Variants in EHMT1 observed in about 807,000 individuals in gnomAD.
The protein encoded by EHMT1 is histone-lysine N-methyltransferase EHMT1.
In EHMT1, 15 loss-of-function variants were observed where a neutral mutation model predicts 147.2. The ratio of observed to expected loss-of-function variants is 0.10; its 90% CI spans 0.07 to 0.16. The LOEUF is 0.16. EHMT1 is among the 10% of genes least tolerant of loss of function. EHMT1 has a pLI of 1.00. For synonymous variants in EHMT1, 795 were observed against 709.6 expected, an observed-to-expected ratio of 1.12 and a Z score of -1.91; for missense variants, 1,587 against 1,772.4, an observed-to-expected ratio of 0.90 and a Z score of 1.88.
intron 1 of EHMT1, among the ~76,000 whole-genome samples, chr9:137,675,665 G>C (rs902364694): frequency 2.2e-5 from 3 of 134,694 alleles, no homozygotes; most frequent in African/African-American, 8.5e-5. Flanking sequence ...ACAGAGTCTC[G>C]CTCTGTCACC....
chr9:137,799,483 G>A (rs1240852602), intron 17 of EHMT1, among the ~76,000 whole-genome samples: 1 of 152,194 alleles, frequency 6.6e-6, no homozygotes. Context: ...CACACACAGG[G>A]GCCACCTGCC....
At chr9:137,758,836 A>C (rs1949578277) in intron 9 of EHMT1, among the ~76,000 whole-genome samples, 1 of 152,200 alleles carries the variant, frequency 6.6e-6, no homozygotes, top group African/African-American at 2.4e-5. Context: ...TAGAAATCTT[A>C]GGCTAGTCCG....
rs982288824 is a variant in EHMT1 at position 137,828,914 on chromosome 9, T to A, written c.3541-5435T>A. Among the ~76,000 whole-genome samples the A allele has an allele frequency of 1.3e-5, 2 of 152,012 alleles. No homozygotes were observed. The highest frequency in any genetic ancestry group is 2.4e-5 in the African/African-American group (1 of 41,348). On this transcript the variant is annotated intron_variant, in intron 25 of 26. Coordinates refer to ENST00000460843, the MANE Select transcript of EHMT1 (RefSeq NM_024757.5). This position sits in a 1 kb window ranked among gnomAD's most constrained non-coding sequence, Gnocchi z 5.3. The stretch of plus-strand genomic sequence containing the variant: ...GGGGGCTTGTGGAGCCTGCTAGGAA[T>A]CCTGGGAAGAGCCCAGATGGGCCTG...
chr9:137,720,320 T>C (rs1339953782), intron 3 of EHMT1, among the ~76,000 whole-genome samples: 1 of 152,074 alleles, frequency 6.6e-6, no homozygotes, highest in Non-Finnish European at 1.5e-5. Context: ...TCTTTTTTTT[T>C]TAAGACAGGA....
At chr9:137,719,080 C>G (rs754073486) in intron 3 of EHMT1, among the ~76,000 whole-genome samples, 6 of 152,134 alleles carry the variant, frequency 3.9e-5, no homozygotes, top group Non-Finnish European at 8.8e-5. Flanking sequence ...TTAAAAAATA[C>G]TGAATTCTAT....
In EHMT1 at chr9:137,716,808, C is replaced by T. The variant is rs568424578; in HGVS notation, c.268C>T (p.Arg90Trp). The T allele has an allele frequency of 4.7e-5, 76 of 1,613,252 alleles. No homozygotes were observed. In the South Asian group the frequency reaches 5.9e-4, roughly 13 times the overall value. Residue 90 changes from arginine (R) to tryptophan (W), a missense_variant, in exon 3 of 27, where the codon CGG (arginine) becomes TGG (tryptophan). By Grantham distance (101) the Arg-to-Trp change is moderately radical. Around this residue, in one of 7 missense-constraint regions of EHMT1, gnomAD observed 810 missense variants for 673.0 expected, o/e 1.20. Coordinates refer to ENST00000460843, the MANE Select transcript of EHMT1 (RefSeq NM_024757.5). ...NPQDGTNTLT[R>W]IAENGVSERD... ...CCAGGATGGCACCAACACACTAACT[C>T]GGATAGCGGAAAATGGGGTTTCAGA...
At chr9:137,694,312 G>A (rs1437257440) in intron 1 of EHMT1, among the ~76,000 whole-genome samples, 11 of 127,116 alleles carry the variant, frequency 8.7e-5, no homozygotes, top group South Asian at 5.1e-4. Flanking sequence ...GACGCTAACC[G>A]ATACCCCCCA....
At chr9:137,627,560 C>T (rs148488569) in intron 1 of EHMT1, among the ~76,000 whole-genome samples, 2 of 142,402 alleles carry the variant, frequency 1.4e-5, no homozygotes, top group African/African-American at 3.0e-5. Context: ...CCGCTGCGCC[C>T]GTGATTTGCC....
intron 1 of EHMT1, among the ~76,000 whole-genome samples, chr9:137,659,829 G>A (rs1589147100): frequency 1.3e-5 from 2 of 151,958 alleles, no homozygotes; most frequent in Admixed American, 1.3e-4. Flanking sequence ...CGCCCACCTC[G>A]CCCTCTCAAG....
chr9:137,705,455 G>A (rs1460143769), intron 1 of EHMT1, among the ~76,000 whole-genome samples: 1 of 152,236 alleles, frequency 6.6e-6, no homozygotes, highest in African/African-American at 2.4e-5. Flanking sequence ...GCCAGTGTTT[G>A]AGTGAGAATT....
intron 1 of EHMT1, among the ~76,000 whole-genome samples, chr9:137,639,060 A>T (rs1354318861): frequency 6.7e-6 from 1 of 148,874 alleles, no homozygotes; most frequent in Non-Finnish European, 1.5e-5. Context: ...TTTCATTTTT[A>T]TTCAGTTCAG....
chr9:137,629,705 T>G (rs992746243), intron 1 of EHMT1, among the ~76,000 whole-genome samples: 1 of 152,034 alleles, frequency 6.6e-6, no homozygotes, highest in African/African-American at 2.4e-5. Flanking sequence ...GTTTTTTGTA[T>G]TTTTAGTAGA....
chr9:137,696,235 T>C (rs553297348), intron 1 of EHMT1, among the ~76,000 whole-genome samples: 3 of 152,206 alleles, frequency 2.0e-5, no homozygotes, highest in Admixed American at 6.5e-5. Flanking sequence ...GCTGGTGAAA[T>C]TGGTATGTGG....
chr9:137,814,592 C>G (rs1257205493), intron 22 of EHMT1, 84 bp downstream of exon 22: 1 of 1,492,386 alleles, frequency 6.7e-7, no homozygotes. Flanking sequence ...GTCTGTGACC[C>G]CAGCGCTGTC....
intron 3 of EHMT1, among the ~76,000 whole-genome samples, chr9:137,720,992 G>C (rs142284911): frequency 2.6e-5 from 4 of 152,122 alleles, no homozygotes; most frequent in African/African-American, 9.6e-5. Flanking sequence ...TGCAGTGGCC[G>C]CCTTTCTCCC....
At chr9:137,704,793 C>T in intron 1 of EHMT1, among the ~76,000 whole-genome samples, 1 of 146,950 alleles carries the variant, frequency 6.8e-6, no homozygotes, top group South Asian at 2.3e-4. Context: ...CCTGCCTTCC[C>T]TCCCTCCCGC....
chr9:137,811,931 G>C (rs922786066), intron 19 of EHMT1, among the ~76,000 whole-genome samples: 3 of 152,246 alleles, frequency 2.0e-5, no homozygotes, highest in African/African-American at 7.2e-5. Context: ...GCAGGGACCT[G>C]CCAGCTCAGA....
chr9:137,719,061 T>C (rs537338835), intron 3 of EHMT1, among the ~76,000 whole-genome samples: 1 of 152,294 alleles, frequency 6.6e-6, no homozygotes, highest in South Asian at 2.1e-4. Flanking sequence ...CCTGATTAGT[T>C]CTTTTAATTT....
At chr9:137,623,261 C>G (rs188059966) in intron 1 of EHMT1, among the ~76,000 whole-genome samples, 84 of 151,852 alleles carry the variant, frequency 5.5e-4, no homozygotes, top group African/African-American at 2.0e-3. Context: ...CTGCCTGGTA[C>G]ACAGCATCAT....
Sources: allele counts gnomAD v4.1 joint callset (sites outside exome capture counted in the v4.1 genomes callset), GRCh38; gene constraint gnomAD v4.1.1; regional missense constraint gnomAD v4.1.1; non-coding constraint Gnocchi (gnomAD v3.1); transcripts MANE v1.5; gene names NCBI Gene and HGNC (gene_info 2026-07-23, HGNC 2026-07-21).